QRICH2: variants seen among roughly 807,000 people sequenced by gnomAD.
QRICH2 encodes the protein glutamine rich 2, also known as glutamine-rich protein 2.
In QRICH2, 119 loss-of-function variants were observed where a neutral mutation model predicts 168.3. That is an observed-to-expected ratio of 0.71 (90% CI 0.61 to 0.82). The LOEUF is 0.82. Among genes scored for constraint, QRICH2 ranks in the 40% least tolerant of loss-of-function variants. QRICH2 has a pLI of 0.00. For synonymous variants in QRICH2, 894 were observed against 951.2 expected, an observed-to-expected ratio of 0.94 and a Z score of 1.11; for missense variants, 2,241 against 2,491.6, an observed-to-expected ratio of 0.90 and a Z score of 2.14.
rs1169819509 is a variant in QRICH2 at position 76,304,494 on chromosome 17, G to A, written c.626C>T (p.Pro209Leu). Residue 209 changes from proline (P) to leucine (L), a missense_variant, in exon 3 of 19, where the codon CCT (proline) becomes CTT (leucine). Pro to Leu is a moderately conservative substitution (Grantham distance 98, BLOSUM62 -3). Coordinates refer to ENST00000680821, the MANE Select transcript of QRICH2 (RefSeq NM_001388453.1). ...ELVSRKLSLV[P>L]GAEEVTMVTW... ...GACCATGGTGACTTCTTCTGCACCA[G>A]GAACCAAACTCAGCTTCCGGCTGAC... The A allele has an allele frequency of 1.9e-6, 3 of 1,613,616 alleles. No individual in the cohort carries two copies. The highest frequency in any genetic ancestry group is 1.7e-5 in the Admixed American group (1 of 59,984).
At chr17:76,276,086 T>TC (rs1241363799) in intron 17 of QRICH2, 139 bp from the exon 18 acceptor site, 13 of 1,042,404 alleles carry the variant, frequency 1.2e-5, no homozygotes, top group Non-Finnish European at 1.7e-5. Flanking sequence ...CATTCTGAAT[T>TC]TGTGGCTATG....
chr17:76,280,231 C>G lies in QRICH2; in HGVS notation c.4626+56G>C, dbSNP rs566907771. The stretch of plus-strand genomic sequence containing the variant: ...CTGACCCAGGAGAAGGTGGTGCTGT[C>G]CCGATCCTGGGGGCAAGGCTGTGGG... On this transcript the variant is annotated intron_variant, in intron 11 of 18. Transcript: ENST00000680821. The surrounding 1 kb of genome is among the most constrained non-coding windows in gnomAD (Gnocchi z 7.4). 1 of 1,609,510 alleles carries G rather than the reference C, an allele frequency of 6.2e-7. No homozygotes were observed. Among genetic ancestry groups the G allele is most frequent in the South Asian group, 1.1e-5 (1 of 90,528 alleles).
chr17:76,295,073 CAAATAAATAAAT>C (rs201787948), intron 3 of QRICH2, among the ~76,000 whole-genome samples: 2 of 143,200 alleles, frequency 1.4e-5, no homozygotes, highest in African/African-American at 2.6e-5. Flanking sequence ...CTACTAAAAA[CAAATAAATAAAT>C]AAATAAATAA....
intron 18 of QRICH2, among the ~76,000 whole-genome samples, chr17:76,275,200 G>C (rs1156469254): frequency 6.6e-6 from 1 of 152,046 alleles, no homozygotes; most frequent in Non-Finnish European, 1.5e-5. Context: ...TCTTGGGGGG[G>C]GCCTGACTCC....
intron 3 of QRICH2, among the ~76,000 whole-genome samples, chr17:76,303,119 A>G (rs1296217390): frequency 6.6e-6 from 1 of 152,058 alleles, no homozygotes; most frequent in East Asian, 1.9e-4. Flanking sequence ...CCTGAACGCA[A>G]GTGATCCGCC....
chr17:76,302,399 G>A (rs574947316), intron 3 of QRICH2, among the ~76,000 whole-genome samples: 6 of 149,662 alleles, frequency 4.0e-5, no homozygotes, highest in African/African-American at 4.9e-5. Flanking sequence ...TCACTATGGT[G>A]TGCTGAATAT....
In QRICH2 at chr17:76,287,833, G is replaced by A; in HGVS notation, c.3863C>T (p.Ala1288Val). Residue 1288 changes from alanine to valine, a missense_variant, in exon 6 of 19, where the codon GCT becomes GTT. Physicochemically the swap from Ala to Val is moderately conservative, Grantham distance 64. Coordinates refer to ENST00000680821, the MANE Select transcript of QRICH2 (RefSeq NM_001388453.1). Reference protein sequence around the residue: ...GNQEAGKELKAGELRLQLGVL... With the variant: ...GNQEAGKELKVGELRLQLGVL... Reference sequence around the variant, plus strand: ...ACCCAGCTGCAATCTCAGCTCTCCAGCTTTCAGTTCCTTCCCTGCTTCTTG... The same window carrying A: ...ACCCAGCTGCAATCTCAGCTCTCCAACTTTCAGTTCCTTCCCTGCTTCTTG... 6.2e-7 allele frequency: 1 copy of A among 1,614,062 alleles called. No individual in the cohort carries two copies. The highest frequency in any genetic ancestry group is 8.5e-7 in the Non-Finnish European group (1 of 1,179,964).
chr17:76,301,703 A>ATTTTTT (rs370779519), intron 3 of QRICH2, among the ~76,000 whole-genome samples: 15,453 of 121,374 alleles, frequency 0.13, 1,541 homozygotes, highest in African/African-American at 0.17. Flanking sequence ...GTGTTTTATA[A>ATTTTTT]TTTTTTTTTT....
At position 76,282,244 on chromosome 17, in the gene QRICH2, G is replaced by A. The variant is rs888681728; in HGVS notation, c.4012-129C>T. 34 of 1,122,624 alleles carry A rather than the reference G, an allele frequency of 3.0e-5. No homozygotes were observed. The Admixed American group carries it at 8.3e-4, about 27-fold the overall frequency. 69.5% of individuals were successfully genotyped at this position (1,122,624 alleles called of 1,614,324 possible). A position where few individuals can be genotyped will look rare whatever the true frequency, so the allele number is the denominator to read the frequency against. On this transcript the variant is annotated intron_variant, in intron 7 of 18. Coordinates refer to ENST00000680821, the MANE Select transcript of QRICH2 (RefSeq NM_001388453.1). ...GCCCTGGGCAGTTGCTGCATCCTCA[G>A]TGCCTCCCAGAGCATGTGCCATCAT...
chr17:76,275,386 G>A (rs554950867), intron 18 of QRICH2, among the ~76,000 whole-genome samples: 5 of 152,244 alleles, frequency 3.3e-5, no homozygotes, highest in East Asian at 3.9e-4. Flanking sequence ...TAGCTCCTGC[G>A]GAGATCAAGG....
Position 76,280,752 on chromosome 17 carries a change from A to T in QRICH2, c.4387-24T>A, listed in dbSNP as rs773729607. 2.5e-6 allele frequency: 4 copies of T among 1,613,850 alleles called. No homozygotes were observed. Among genetic ancestry groups the T allele is most frequent in the South Asian group, 1.1e-5 (1 of 91,078 alleles). On this transcript the variant is annotated intron_variant, in intron 9 of 18. Coordinates refer to ENST00000680821, the MANE Select transcript of QRICH2 (RefSeq NM_001388453.1). The surrounding 1 kb of genome is among the most constrained non-coding windows in gnomAD (Gnocchi z 7.4). ...ATCTGGGGAGGCCAAGTGAACAGAG[A>T]AAAAAAGAGCCAGCAGCTGCGGGGC...
chr17:76,283,809 G>T (rs2070831376), intron 7 of QRICH2, among the ~76,000 whole-genome samples: 1 of 142,038 alleles, frequency 7.0e-6, no homozygotes, highest in Admixed American at 6.7e-5. Flanking sequence ...GGGAGACGGA[G>T]GTTGCAGTGA....
At position 76,293,592 on chromosome 17, in the gene QRICH2, T is replaced by G; in HGVS notation, c.1135A>C (p.Ser379Arg). The change falls in exon 4 of 19, where the codon AGC (serine) becomes CGC (arginine). Residue 379 changes from serine to arginine, a missense_variant. Physicochemically the swap from Ser to Arg is moderately radical, Grantham distance 110. This residue lies in a region of QRICH2 where 2,047 missense variants were observed against 2,303.8 expected (regional missense o/e 0.89). Transcript: ENST00000680821. ...GGCCTTAGATGGACCTGACTCTGGC[T>G]AGCGGGCACACTACTGGGCTGGTCT... is the stretch of plus-strand genomic sequence containing the variant. Reference protein sequence around the residue: ...ARDQPSSVPASQSQVHLRPDR... With the variant: ...ARDQPSSVPARQSQVHLRPDR... 1.2e-6 allele frequency: 2 copies of G among 1,614,168 alleles called. No homozygotes were observed. The highest frequency in any genetic ancestry group is 1.7e-6 in the Non-Finnish European group (2 of 1,180,034).
In QRICH2 at chr17:76,307,517, AC is replaced by A; in HGVS notation, c.481del (p.Val161CysfsTer7). 1 of 1,612,118 alleles carries A rather than the reference AC, an allele frequency of 6.2e-7. No homozygotes were observed. The highest frequency in any genetic ancestry group is 1.1e-5 in the South Asian group (1 of 90,710). On this transcript the variant is annotated frameshift_variant, in exon 1 of 19. Coordinates refer to ENST00000680821, the MANE Select transcript of QRICH2 (RefSeq NM_001388453.1). LOFTEE classifies it high-confidence loss of function. The surrounding 1 kb of genome is among the most constrained non-coding windows in gnomAD (Gnocchi z 5.3). ...GTCCTTCATGATACTCCCAGTCCGC[AC>A]CCTATCGAACGCCCGCACGCCCACC... The part of the protein sequence containing the change: ...QEVGVRAFDR[V>X]RTGSIMKDAA...
intron 18 of QRICH2, among the ~76,000 whole-genome samples, chr17:76,275,105 G>T (rs1293474299): frequency 1.3e-5 from 2 of 152,076 alleles, no homozygotes; most frequent in Admixed American, 1.3e-4. Flanking sequence ...GGTTGGGGAG[G>T]GTCCCTGAAC....
At chr17:76,276,848 A>G in intron 16 of QRICH2, 81 bp from the exon 17 acceptor site, 1 of 1,126,218 alleles carries the variant, frequency 8.9e-7, no homozygotes, top group South Asian at 1.3e-5. Context: ...TGAGGCACAG[A>G]GCACTGTGGT....
chr17:76,276,756 C>T lies in QRICH2; in HGVS notation c.5277G>A (p.Val1759=), dbSNP rs748265238. 3.1e-6 allele frequency: 5 copies of T among 1,612,314 alleles called. No homozygotes were observed. The highest frequency in any genetic ancestry group is 3.3e-5 in the Admixed American group (2 of 60,006). Residue 1759 remains valine (V), a synonymous_variant, in exon 17 of 19, where the codon GTG becomes GTA. Transcript: ENST00000680821. ...TGTGGCCATCCAGGCCCAAGATGTCCACCTCATCATGCTGTAGAAGTGAAC... is the reference window on the plus strand; with the variant it reads ...TGTGGCCATCCAGGCCCAAGATGTCTACCTCATCATGCTGTAGAAGTGAAC... ...EIQIAMKHDE[V]DILGLDGHIY...
chr17:76,298,425 C>T (rs867507419), intron 3 of QRICH2, among the ~76,000 whole-genome samples: 1 of 151,632 alleles, frequency 6.6e-6, no homozygotes, highest in East Asian at 1.9e-4. Flanking sequence ...GTGATCCGCC[C>T]GCCTCAGCCT....
At chr17:76,301,154 T>A (rs186473628) in intron 3 of QRICH2, among the ~76,000 whole-genome samples, 1 of 152,012 alleles carries the variant, frequency 6.6e-6, no homozygotes, top group Admixed American at 6.6e-5. Flanking sequence ...GAGGTCGAGG[T>A]TGCAGTAAGC....
Sources: gnomAD v4.1 joint callset for allele counts (sites outside exome capture counted in the v4.1 genomes callset) on GRCh38, gnomAD v4.1.1 for gene constraint, gnomAD v4.1.1 regional missense constraint, Gnocchi (gnomAD v3.1) non-coding constraint, MANE v1.5 for transcripts, NCBI Gene and HGNC (gene_info 2026-07-23, HGNC 2026-07-21) for gene names.